Variants in PDE4D observed in about 807,000 individuals in gnomAD.
PDE4D encodes 3',5'-cyclic-AMP phosphodiesterase 4D.
A neutral mutation model predicts 87.4 loss-of-function variants in PDE4D; 24 were observed. The ratio of observed to expected loss-of-function variants is 0.27; its 90% CI spans 0.20 to 0.39. The LOEUF is 0.39. PDE4D is among the 10% of genes least tolerant of loss of function. The pLI is 1.00. For synonymous variants in PDE4D, 384 were observed against 383.2 expected, an observed-to-expected ratio of 1.00 and a Z score of -0.02; for missense variants, 714 against 1,041.0, an observed-to-expected ratio of 0.69 and a Z score of 4.32.
chr5:60,167,470 G>A (rs957549501), intron 2 of PDE4D, among the ~76,000 whole-genome samples: 9 of 151,612 alleles, frequency 5.9e-5, no homozygotes, highest in Non-Finnish European at 1.0e-4. Context: ...GGGTTTCACC[G>A]TGTTAGCCAG....
intron 1 of PDE4D, among the ~76,000 whole-genome samples, chr5:59,334,543 G>T (rs879588559): frequency 6.6e-6 from 1 of 151,950 alleles, no homozygotes; most frequent in Non-Finnish European, 1.5e-5. Context: ...CAGGTGTGAG[G>T]CACTGTGCCC....
chr5:59,564,534 C>A (rs1583142943), intron 1 of PDE4D, among the ~76,000 whole-genome samples: 1 of 152,204 alleles, frequency 6.6e-6, no homozygotes, highest in Non-Finnish European at 1.5e-5. Flanking sequence ...AAAACCCATT[C>A]TCTTTTTGGT....
At chr5:59,493,562 A>T (rs183686613) in intron 1 of PDE4D, among the ~76,000 whole-genome samples, 71 of 152,328 alleles carry the variant, frequency 4.7e-4, no homozygotes, top group African/African-American at 1.6e-3. Context: ...ACTGCCTATT[A>T]AATAACCAGA....
chr5:59,474,558 C>T (rs773588010), intron 1 of PDE4D, among the ~76,000 whole-genome samples: 13 of 152,030 alleles, frequency 8.6e-5, no homozygotes, highest in Admixed American at 6.6e-4. Context: ...CAACCTGTGA[C>T]GGATTCATTA....
chr5:60,027,926 T>C (rs749197152), intron 2 of PDE4D, among the ~76,000 whole-genome samples: 1 of 152,206 alleles, frequency 6.6e-6, no homozygotes, highest in Admixed American at 6.5e-5. Context: ...CTGTTCTGGG[T>C]ATTGTGAATG....
At chr5:59,553,429 G>A (rs370959471) in intron 1 of PDE4D, among the ~76,000 whole-genome samples, 12 of 152,064 alleles carry the variant, frequency 7.9e-5, no homozygotes, top group African/African-American at 1.7e-4. Flanking sequence ...CTAATCACCC[G>A]CAAGTAACTT....
At chr5:60,512,849 GCTAA>G (rs1750635691) in intron 1 of PDE4D, among the ~76,000 whole-genome samples, 2 of 152,198 alleles carry the variant, frequency 1.3e-5, no homozygotes, top group Non-Finnish European at 2.9e-5. Context: ...CAAAAAGGGG[GCTAA>G]CTATGTGGGT....
At chr5:59,922,045 G>A (rs889412312) in intron 3 of PDE4D, among the ~76,000 whole-genome samples, 1 of 152,096 alleles carries the variant, frequency 6.6e-6, no homozygotes, top group African/African-American at 2.4e-5. Context: ...GCTCGGGGGA[G>A]GGAGAGTGCA....
At chr5:59,852,595 A>G (rs1183330426) in intron 1 of PDE4D, among the ~76,000 whole-genome samples, 1 of 152,118 alleles carries the variant, frequency 6.6e-6, no homozygotes, top group Non-Finnish European at 1.5e-5. Context: ...TGACTGTAAT[A>G]TCATGAGAGA....
intron 1 of PDE4D, among the ~76,000 whole-genome samples, chr5:59,771,450 A>AAAGAAAGAAAGAAAGAAAGAAAGAGAGAG (rs1763449495): frequency 4.1e-5 from 3 of 73,686 alleles, no homozygotes; most frequent in African/African-American, 2.0e-4. Context: ...AGAAAGAAAG[A>AAAGAAAGAAAGAAAGAAAGAAAGAGAGAG]AAGAAAGAAA....
At chr5:59,551,291 A>G (rs1818070340) in intron 1 of PDE4D, among the ~76,000 whole-genome samples, 1 of 149,380 alleles carries the variant, frequency 6.7e-6, no homozygotes, top group Admixed American at 6.7e-5. Context: ...TATATATTAT[A>G]TATTAATGAA....
chr5:59,439,844 C>G (rs1797330508), intron 1 of PDE4D, among the ~76,000 whole-genome samples: 1 of 152,144 alleles, frequency 6.6e-6, no homozygotes, highest in African/African-American at 2.4e-5. Flanking sequence ...GTAGAAAACA[C>G]TCTGTAGAGG....
intron 1 of PDE4D, among the ~76,000 whole-genome samples, chr5:59,346,524 A>T (rs939760198): frequency 6.6e-6 from 1 of 152,050 alleles, no homozygotes; most frequent in African/African-American, 2.4e-5. Flanking sequence ...CCCACCGATA[A>T]TAATTTCTTC....
At chr5:60,247,765 G>C (rs6862158) in intron 1 of PDE4D, among the ~76,000 whole-genome samples, 61,352 of 151,630 alleles carry the variant, frequency 0.4, 12,780 homozygotes, top group Admixed American at 0.47. Flanking sequence ...CAGAGAAAGG[G>C]AGAGAGATCA....
chr5:60,147,223 G>C (rs1334228083), intron 2 of PDE4D, among the ~76,000 whole-genome samples: 1 of 152,192 alleles, frequency 6.6e-6, no homozygotes, highest in African/African-American at 2.4e-5. Context: ...AGAAATACAA[G>C]AAAGGTTTCC....
In PDE4D at chr5:60,216,533, C is replaced by T. The variant is rs143946988; in HGVS notation, c.-89-30846G>A. Among the ~76,000 whole-genome samples, 8 of 152,104 alleles carry T rather than the reference C, an allele frequency of 5.3e-5. No homozygotes were observed. In the East Asian group the frequency reaches 9.7e-4, roughly 18 times the overall value. On this transcript the variant is annotated intron_variant, in intron 1 of 16. Transcript: ENST00000502484. ...GATTAAAAAACAGAATCCAACAATA[C>T]GCTATCTACAAGAAACTCACTTTAG...
At chr5:59,765,304 AG>A (rs1274140769) in intron 1 of PDE4D, among the ~76,000 whole-genome samples, 19 of 152,192 alleles carry the variant, frequency 1.2e-4, no homozygotes, top group African/African-American at 4.6e-4. Flanking sequence ...TTCATCAAGG[AG>A]GTTTGACGAG....
chr5:59,440,360 CCTTTA>C (rs560674072), intron 1 of PDE4D, among the ~76,000 whole-genome samples: 376 of 152,292 alleles, frequency 2.5e-3, no homozygotes, highest in Non-Finnish European at 3.4e-3. Flanking sequence ...ATTTTAAACA[CCTTTA>C]CTTATTCCCA....
chr5:59,680,497 C>G (rs894629961), intron 1 of PDE4D, among the ~76,000 whole-genome samples: 1 of 152,020 alleles, frequency 6.6e-6, no homozygotes, highest in African/African-American at 2.4e-5. Flanking sequence ...ATCGATTCAA[C>G]TCTAGATGAA....
Sources: gnomAD v4.1 joint callset for allele counts (sites outside exome capture counted in the v4.1 genomes callset) on GRCh38, gnomAD v4.1.1 for gene constraint, MANE v1.5 for transcripts, NCBI Gene and HGNC (gene_info 2026-07-23, HGNC 2026-07-21) for gene names.